The following LY9 variants were observed in gnomAD, a reference collection of about 807,000 sequenced individuals.
LY9 encodes T-lymphocyte surface antigen Ly-9.
In LY9, 59 loss-of-function variants were observed where a neutral mutation model predicts 64.6. The ratio of observed to expected loss-of-function variants is 0.91; its 90% CI spans 0.74 to 1.13. The LOEUF (loss-of-function observed/expected upper bound fraction) is 1.13. Among genes scored for constraint, LY9 ranks in the 50% most tolerant of loss-of-function variants. The pLI is 0.00. For synonymous variants in LY9, 281 were observed against 308.5 expected (o/e 0.91, Z 0.93); for missense variants, 789 against 797.2 (o/e 0.99, Z 0.12).
chr1:160,821,166 A>AAC (rs1668414418), intron 7 of LY9, among the ~76,000 whole-genome samples: 1 of 140,374 alleles, frequency 7.1e-6, no homozygotes, highest in Non-Finnish European at 1.5e-5. Flanking sequence ...AAAAAAAAAA[A>AAC]AAACCATATA....
At chr1:160,819,729 T>A (rs1668235694) in intron 7 of LY9, among the ~76,000 whole-genome samples, 1 of 147,932 alleles carries the variant, frequency 6.8e-6, no homozygotes, top group Admixed American at 6.8e-5. Flanking sequence ...AGGTGGAGGT[T>A]GCAGTCAGCC....
Position 160,816,084 on chromosome 1 carries a change from G to A in LY9, c.1073-510G>A, listed in dbSNP as rs562438393. ...CCTCAAATATAAAGGAACCCACAAGGTTAAGTAAAAATAATAAACAGGAAA... is the reference window on the plus strand; with the variant it reads ...CCTCAAATATAAAGGAACCCACAAGATTAAGTAAAAATAATAAACAGGAAA... On this transcript the variant is annotated intron_variant, in intron 4 of 9. Coordinates refer to ENST00000263285, the MANE Select transcript of LY9 (RefSeq NM_002348.4). Among the ~76,000 whole-genome samples the A allele has an allele frequency of 2.6e-4, 40 of 152,294 alleles. No homozygotes were observed. In the South Asian group the frequency reaches 8.1e-3, roughly 31 times the overall value.
At chr1:160,801,722 G>GT in intron 2 of LY9, 5 of 1,261,672 alleles carry the variant, frequency 4.0e-6, no homozygotes, top group South Asian at 2.5e-5. Context: ...TTTTGAGGAG[G>GT]TTTTTTATAT....
chr1:160,803,214 A>C (rs1452298056), intron 2 of LY9, among the ~76,000 whole-genome samples: 1 of 152,178 alleles, frequency 6.6e-6, no homozygotes, highest in Non-Finnish European at 1.5e-5. Context: ...TCTGGGAGGC[A>C]GAGGTTGCAG....
intron 4 of LY9, among the ~76,000 whole-genome samples, chr1:160,815,913 C>T (rs1667913659): frequency 6.6e-6 from 1 of 152,208 alleles, no homozygotes; most frequent in South Asian, 2.1e-4. Context: ...TTATGTTTAC[C>T]TGTTCCTTCA....
Position 160,799,841 on chromosome 1 carries a change from A to G in LY9, c.213A>G (p.Val71=). The G allele has an allele frequency of 2.5e-6, 4 of 1,613,000 alleles. No homozygotes were observed. Among genetic ancestry groups the G allele is most frequent in the Non-Finnish European group, 3.4e-6 (4 of 1,178,920 alleles). The part of the protein sequence containing the change: ...GSVTLPLNIS[V]DTEIENVIWI... ...TGACTCTCCCCCTAAACATCTCAGT[A>G]GACACAGAGATTGAGAACGTCATCT... Residue 71 remains valine (V), a synonymous_variant, in exon 2 of 10, where the codon GTA becomes GTG. Transcript: ENST00000263285.
At chr1:160,826,060 T>C (rs1422041270) in intron 9 of LY9, among the ~76,000 whole-genome samples, 3 of 152,236 alleles carry the variant, frequency 2.0e-5, no homozygotes, top group Non-Finnish European at 4.4e-5. Context: ...CCAGAAGCCT[T>C]ACCAAAAACA....
intron 2 of LY9, chr1:160,811,855 C>T (rs954629082): frequency 3.3e-5 from 5 of 152,178 alleles, no homozygotes; most frequent in African/African-American, 4.8e-5. Flanking sequence ...CCCAAATTTT[C>T]GTTAACATTC....
rs577134879 is a variant in LY9, at chr1:160,807,927, C to G, written c.455-5709C>G. On this transcript the variant is annotated intron_variant, in intron 2 of 9. Coordinates refer to ENST00000263285, the MANE Select transcript of LY9 (RefSeq NM_002348.4). ...GGCCCCCCAGTGGTGAAAGCAAACA[C>G]CAGCTATGGTATGTGGAAGCAGGGC... Among the ~76,000 whole-genome samples the G allele has an allele frequency of 5.3e-4, 80 of 152,182 alleles. No homozygotes were observed. The Middle Eastern group carries it at 0.02, about 39-fold the overall frequency.
intron 9 of LY9, chr1:160,824,614 C>T: frequency 1.0e-6 from 1 of 982,776 alleles, no homozygotes; most frequent in Non-Finnish European, 1.2e-6. Flanking sequence ...TGAAAATTAG[C>T]TAACAATTTA....
chr1:160,812,367 T>C (rs1358835866), intron 2 of LY9: 1 of 152,252 alleles, frequency 6.6e-6, no homozygotes, highest in Non-Finnish European at 1.5e-5. Context: ...TGCTAGAGGT[T>C]AAGACTTCAA....
chr1:160,827,578 C>T (rs1668926156), intron 9 of LY9, among the ~76,000 whole-genome samples, 170 bp from the exon 10 acceptor site: 1 of 152,152 alleles, frequency 6.6e-6, no homozygotes, highest in African/African-American at 2.4e-5. Context: ...TAGGAGCCTC[C>T]ATAAATGCTT....
At chr1:160,799,701 G>T in intron 1 of LY9, 52 bp from the exon 2 acceptor site, 1 of 1,122,144 alleles carries the variant, frequency 8.9e-7, no homozygotes, top group South Asian at 1.4e-5. Context: ...AAGAAAGAAG[G>T]CTAGCTCAAG....
intron 1 of LY9, among the ~76,000 whole-genome samples, chr1:160,798,525 A>C (rs1185437913): frequency 2.0e-5 from 3 of 151,976 alleles, no homozygotes; most frequent in African/African-American, 7.3e-5. Context: ...CCTCAAACCA[A>C]CCTCACATCA....
chr1:160,818,346 G>T (rs372845687), intron 6 of LY9, 27 bp downstream of exon 6: 1 of 1,541,826 alleles, frequency 6.5e-7, no homozygotes, highest in Non-Finnish European at 9.0e-7. Context: ...AATGTTGTCC[G>T]CCAGTGCTAG....
At chr1:160,801,924 G>A (rs754612662) in intron 2 of LY9, 5 of 1,603,142 alleles carry the variant, frequency 3.1e-6, no homozygotes, top group Middle Eastern at 1.7e-4. Flanking sequence ...CTAGGCCCTC[G>A]CCCCCACCTG....
intron 2 of LY9, chr1:160,802,606 G>A (rs572469956): frequency 1.4e-5 from 14 of 985,544 alleles, no homozygotes; most frequent in African/African-American, 1.7e-5. Context: ...CAGTGTACAC[G>A]TGTGGACCCC....
chr1:160,796,227 G>A lies in LY9; in HGVS notation c.40G>A (p.Gly14Arg), dbSNP rs369975202. Reference protein sequence around the residue: ...PKSHTDDWAPGPFSSKPQRSQ... With the variant: ...PKSHTDDWAPRPFSSKPQRSQ... ...GAGTCACACAGATGACTGGGCTCCT[G>A]GGCCTTTCTCCAGTAAGCCACAGAG... The change falls in exon 1 of 10, where the codon GGG (glycine) becomes AGG (arginine). Residue 14 changes from glycine (G) to arginine (R), a missense_variant. Gly to Arg is a moderately radical substitution (Grantham distance 125, BLOSUM62 -2). Transcript: ENST00000263285. 6.2e-6 allele frequency: 10 copies of A among 1,613,938 alleles called. No homozygotes were observed. Among genetic ancestry groups the A allele is most frequent in the Non-Finnish European group, 7.6e-6 (9 of 1,180,016 alleles).
intron 2 of LY9, among the ~76,000 whole-genome samples, chr1:160,800,398 T>C (rs487365): frequency 1 from 151,489 of 152,238 alleles, 75,372 homozygotes; most frequent in East Asian, 1. Context: ...CACCATCCAC[T>C]TCCACATGAT....
Sources: gnomAD v4.1 joint callset for allele counts (sites outside exome capture counted in the v4.1 genomes callset) on GRCh38, gnomAD v4.1.1 for gene constraint, MANE v1.5 for transcripts, NCBI Gene and HGNC (gene_info 2026-07-23, HGNC 2026-07-21) for gene names.